The following FAM162A variants were observed in gnomAD, a reference collection of about 807,000 sequenced individuals.
The protein encoded by FAM162A is family with sequence similarity 162 member A.
Under a neutral mutation model 21.8 loss-of-function variants are expected in FAM162A, and 23 were observed. The observed-to-expected ratio is 1.05, with a 90% confidence interval of 0.76 to 1.49. The LOEUF (loss-of-function observed/expected upper bound fraction) is 1.49, where lower values mean the gene tolerates loss of function less well. Ranked by LOEUF, FAM162A falls within the 40% of genes most tolerant of loss-of-function variation. FAM162A has a pLI of 0.00. For synonymous variants in FAM162A, 53 were observed against 61.3 expected (o/e 0.86, Z 0.64); for missense variants, 165 against 186.4 (o/e 0.89, Z 0.67).
At chr3:122,409,603 C>T in intron 4 of FAM162A, 136 bp from the exon 5 acceptor site, 1 of 709,218 alleles carries the variant, frequency 1.4e-6, no homozygotes, top group South Asian at 1.7e-5. Flanking sequence ...ATAGAGGAAA[C>T]TGCCGTGCTC....
chr3:122,389,758 A>G (rs1270509119), intron 1 of FAM162A, among the ~76,000 whole-genome samples: 10 of 152,242 alleles, frequency 6.6e-5, no homozygotes, highest in Non-Finnish European at 1.5e-5. Flanking sequence ...AGGTCTGAAA[A>G]GAAATATTAA....
chr3:122,393,915 T>C (rs73188324), intron 1 of FAM162A, among the ~76,000 whole-genome samples: 1 of 152,332 alleles, frequency 6.6e-6, no homozygotes, highest in Non-Finnish European at 1.5e-5. Context: ...CAGTCTCGCA[T>C]TGCTAAAAAG....
intron 1 of FAM162A, among the ~76,000 whole-genome samples, chr3:122,400,689 T>C (rs1160208660): frequency 6.6e-6 from 1 of 152,008 alleles, no homozygotes; most frequent in East Asian, 1.9e-4. Flanking sequence ...TAGCTGGGCA[T>C]GGTGGCAGGC....
chr3:122,409,948 G>C lies in FAM162A; in HGVS notation c.*117G>C. ...CATAAAGTATGATTTGCCCAAACCT[G>C]TACCATTTCCGTATTTCTGCTGTAG... On this transcript the variant is annotated 3_prime_UTR_variant, in exon 5 of 5. Coordinates refer to ENST00000477892, the MANE Select transcript of FAM162A (RefSeq NM_014367.4). 1.2e-6 allele frequency: 1 copy of C among 859,102 alleles called. No individual in the cohort carries two copies. Among genetic ancestry groups the C allele is most frequent in the Non-Finnish European group, 2.0e-6 (1 of 512,584 alleles). The allele number at this position is 859,102 out of a possible 1,614,324, so 53.2% of individuals were successfully genotyped here.
chr3:122,398,929 G>A (rs1339041068), intron 1 of FAM162A, among the ~76,000 whole-genome samples: 1 of 152,092 alleles, frequency 6.6e-6, no homozygotes, highest in East Asian at 1.9e-4. Context: ...TAGGTTAAAC[G>A]ATATTTTTAA....
At chr3:122,389,430 GATAGATGAGAT>G (rs2075590416) in intron 1 of FAM162A, among the ~76,000 whole-genome samples, 2 of 149,614 alleles carry the variant, frequency 1.3e-5, no homozygotes, top group African/African-American at 5.0e-5. Flanking sequence ...TAGATAGATA[GATAGATGAGAT>G]AGATAGATGG....
At chr3:122,394,163 A>G (rs1249772783) in intron 1 of FAM162A, among the ~76,000 whole-genome samples, 1 of 152,180 alleles carries the variant, frequency 6.6e-6, no homozygotes, top group Non-Finnish European at 1.5e-5. Flanking sequence ...AGAACTCACT[A>G]TCACGAGGAC....
At chr3:122,390,005 G>T (rs913446982) in intron 1 of FAM162A, among the ~76,000 whole-genome samples, 2 of 152,086 alleles carry the variant, frequency 1.3e-5, no homozygotes, top group Non-Finnish European at 2.9e-5. Flanking sequence ...AGACATGGTG[G>T]CATCTGCCTG....
chr3:122,387,034 C>A (rs542682332), intron 1 of FAM162A, among the ~76,000 whole-genome samples: 17 of 152,240 alleles, frequency 1.1e-4, no homozygotes, highest in African/African-American at 4.1e-4. Flanking sequence ...AACACTGGCT[C>A]TGTTTTGTTT....
At chr3:122,392,097 C>T (rs1559999310) in intron 1 of FAM162A, among the ~76,000 whole-genome samples, 1 of 152,186 alleles carries the variant, frequency 6.6e-6, no homozygotes, top group Non-Finnish European at 1.5e-5. Flanking sequence ...AGTAGGTATA[C>T]ATGTTAGCAT....
chr3:122,409,634 C>T (rs750987337), intron 4 of FAM162A, 105 bp from the exon 5 acceptor site: 85 of 912,392 alleles, frequency 9.3e-5, no homozygotes, highest in Non-Finnish European at 1.4e-4. Context: ...CAGCAGAGGA[C>T]TCCATGCCTC....
rs149678226 is a variant in FAM162A, at chr3:122,406,816, T to C, written c.264-465T>C. The stretch of plus-strand genomic sequence containing the variant: ...GAATTGTGCTTTGTGTTGAAACATA[T>C]GAAGCTTATTGTAGTATCTGTTGTC... On this transcript the variant is annotated intron_variant, in intron 3 of 4. Transcript: ENST00000477892. Among the ~76,000 whole-genome samples, 7 of 152,362 alleles carry C rather than the reference T, an allele frequency of 4.6e-5. No homozygotes were observed. The East Asian group carries it at 9.6e-4, about 21-fold the overall frequency.
At chr3:122,401,653 GC>G in intron 1 of FAM162A, 1 of 561,874 alleles carries the variant, frequency 1.8e-6, no homozygotes, top group Non-Finnish European at 2.5e-6. Flanking sequence ...AAAAAAAATA[GC>G]CATTCTGGCT....
Position 122,409,794 on chromosome 3 carries a change from T to C in FAM162A, c.428T>C (p.Leu143Pro). The change falls in exon 5 of 5, where the codon CTG (leucine) becomes CCG (proline). Residue 143 changes from leucine to proline, a missense_variant. Coordinates refer to ENST00000477892, the MANE Select transcript of FAM162A (RefSeq NM_014367.4). ...TTGAACTTAGAAAAGAAAGCTCGTC[T>C]GAAAGAGGAAGCAGCTATGAAGGCC... ...TSLNLEKKAR[L>P]KEEAAMKAKT... is the part of the protein sequence containing the mutation. The C allele has an allele frequency of 6.2e-7, 1 of 1,614,068 alleles. No homozygotes were observed. Among genetic ancestry groups the C allele is most frequent in the Non-Finnish European group, 8.5e-7 (1 of 1,179,960 alleles).
intron 3 of FAM162A, among the ~76,000 whole-genome samples, chr3:122,406,524 AC>A (rs1178731651): frequency 6.6e-6 from 1 of 152,258 alleles, no homozygotes; most frequent in Non-Finnish European, 1.5e-5. Flanking sequence ...CCAACCATCA[AC>A]TTTTTTTTAA....
intron 1 of FAM162A, among the ~76,000 whole-genome samples, chr3:122,391,618 C>G (rs991895971): frequency 2.0e-5 from 3 of 152,184 alleles, no homozygotes; most frequent in Non-Finnish European, 4.4e-5. Context: ...TCTCATGTCT[C>G]CAAGTCCTTA....
chr3:122,396,877 T>A (rs1324326466), intron 1 of FAM162A, among the ~76,000 whole-genome samples: 7 of 152,184 alleles, frequency 4.6e-5, no homozygotes, highest in African/African-American at 1.7e-4. Context: ...AAAGGCCACA[T>A]GTTGTATGAT....
At chr3:122,408,272 C>G (rs1462868243) in intron 4 of FAM162A, among the ~76,000 whole-genome samples, 3 of 152,158 alleles carry the variant, frequency 2.0e-5, no homozygotes, top group Non-Finnish European at 4.4e-5. Context: ...TGCAGGTTAC[C>G]AAACCTCATA....
intron 1 of FAM162A, chr3:122,401,658 T>A: frequency 1.8e-6 from 1 of 550,566 alleles, no homozygotes; most frequent in Non-Finnish European, 2.5e-6. Context: ...AAATAGCCAT[T>A]CTGGCTGGTT....
Sources: gnomAD v4.1 joint callset for allele counts (sites outside exome capture counted in the v4.1 genomes callset) on GRCh38, gnomAD v4.1.1 for gene constraint, MANE v1.5 for transcripts, NCBI Gene and HGNC (gene_info 2026-07-23, HGNC 2026-07-21) for gene names.